The following ARHGAP12 variants were observed in gnomAD, a reference collection of about 807,000 sequenced individuals.
ARHGAP12 encodes the protein rho GTPase-activating protein 12.
A neutral mutation model predicts 108.6 loss-of-function variants in ARHGAP12; 64 were observed. The observed-to-expected ratio is 0.59, with a 90% CI of 0.48 to 0.73. The LOEUF (loss-of-function observed/expected upper bound fraction) is 0.73. ARHGAP12 is among the 30% of genes least tolerant of loss of function. The pLI is 0.00. For synonymous variants in ARHGAP12, 312 were observed against 337.2 expected, an observed-to-expected ratio of 0.93 and a Z score of 0.82; for missense variants, 940 against 1,005.9, an observed-to-expected ratio of 0.93 and a Z score of 0.89.
At chr10:31,855,502 ATAT>A (rs1196860316) in intron 4 of ARHGAP12, among the ~76,000 whole-genome samples, 12 of 152,322 alleles carry the variant, frequency 7.9e-5, no homozygotes, top group Admixed American at 5.2e-4. Context: ...TAAGAGCCTA[ATAT>A]TAATATGTTC....
At chr10:31,913,531 G>A in intron 1 of ARHGAP12, 1 of 170,702 alleles carries the variant, frequency 5.9e-6, no homozygotes, top group Non-Finnish European at 1.2e-5. Context: ...AACTGGGAGA[G>A]CTGCAGGTGA....
chr10:31,914,446 C>CA (rs141278286), intron 1 of ARHGAP12, among the ~76,000 whole-genome samples: 2,329 of 139,416 alleles, frequency 0.017, 50 homozygotes, highest in African/African-American at 0.055. Context: ...AACTCAATAG[C>CA]AAAAAAAAAA....
chr10:31,842,198 G>A (rs1836295118), intron 7 of ARHGAP12, among the ~76,000 whole-genome samples: 1 of 152,076 alleles, frequency 6.6e-6, no homozygotes, highest in Non-Finnish European at 1.5e-5. Context: ...GTTCTGGTAT[G>A]AAGAGGCGGT....
At chr10:31,843,853 A>G (rs1836355487) in intron 6 of ARHGAP12, among the ~76,000 whole-genome samples, 1 of 152,190 alleles carries the variant, frequency 6.6e-6, no homozygotes, top group African/African-American at 2.4e-5. Context: ...AGTTTTGTCA[A>G]CTGTAAAGTG....
chr10:31,816,049 G>A (rs1335626983), intron 13 of ARHGAP12, among the ~76,000 whole-genome samples: 1 of 152,080 alleles, frequency 6.6e-6, no homozygotes, highest in Non-Finnish European at 1.5e-5. Context: ...TACTTGGGAG[G>A]CTGAGACAGG....
In ARHGAP12 at chr10:31,807,491, G is replaced by C; in HGVS notation, c.*167C>G. 1 of 493,740 alleles carries C rather than the reference G, an allele frequency of 2.0e-6. No homozygotes were observed. The highest frequency in any genetic ancestry group is 3.5e-6 in the Non-Finnish European group (1 of 289,512). The allele number at this position is 493,740 out of a possible 1,614,324, so 30.6% of individuals were successfully genotyped here. A position where few individuals can be genotyped will look rare whatever the true frequency, so the allele number is the denominator to read the frequency against. Reference sequence around the variant, plus strand: ...CAACTTGCAACAAAGCAGCAAATATGAGGGCCTAACACACATCTCGACTCT... The same window carrying C: ...CAACTTGCAACAAAGCAGCAAATATCAGGGCCTAACACACATCTCGACTCT... On this transcript the variant is annotated 3_prime_UTR_variant, in exon 20 of 20. Transcript: ENST00000344936.
intron 11 of ARHGAP12, among the ~76,000 whole-genome samples, chr10:31,824,794 T>G (rs1054061911): frequency 1.3e-5 from 2 of 152,142 alleles, no homozygotes; most frequent in Non-Finnish European, 2.9e-5. Context: ...ATCAAATAAG[T>G]GACCACTATC....
At chr10:31,873,527 C>T (rs993531715) in intron 3 of ARHGAP12, among the ~76,000 whole-genome samples, 17 of 152,138 alleles carry the variant, frequency 1.1e-4, no homozygotes, top group African/African-American at 2.9e-4. Flanking sequence ...TACTATCGGC[C>T]GGCACCAATC....
intron 6 of ARHGAP12, 108 bp downstream of exon 6, chr10:31,852,409 A>T: frequency 1.0e-6 from 1 of 954,222 alleles, no homozygotes; most frequent in Non-Finnish European, 1.7e-6. Flanking sequence ...AAATTATTCT[A>T]CTTTGTAAAA....
At chr10:31,894,013 C>T (rs971980063) in intron 3 of ARHGAP12, among the ~76,000 whole-genome samples, 27 of 152,190 alleles carry the variant, frequency 1.8e-4, no homozygotes, top group Admixed American at 8.5e-4. Flanking sequence ...ATTATCTCAA[C>T]AGATGCAGAA....
chr10:31,926,423 C>T (rs1165739614), intron 1 of ARHGAP12, among the ~76,000 whole-genome samples: 2 of 151,964 alleles, frequency 1.3e-5, no homozygotes, highest in African/African-American at 4.8e-5. Flanking sequence ...TACAGTGATG[C>T]TATGTCGTAC....
chr10:31,809,617 G>T, intron 16 of ARHGAP12: 1 of 213,460 alleles, frequency 4.7e-6, no homozygotes, highest in African/African-American at 2.3e-5. Flanking sequence ...AAACATCTGG[G>T]GATAATTCAA....
chr10:31,831,314 A>G (rs1260462601), intron 10 of ARHGAP12, among the ~76,000 whole-genome samples: 1 of 152,254 alleles, frequency 6.6e-6, no homozygotes, highest in Non-Finnish European at 1.5e-5. Flanking sequence ...ATCTCTATAC[A>G]TACAAACATA....
At chr10:31,814,557 T>A (rs529438761) in intron 13 of ARHGAP12, among the ~76,000 whole-genome samples, 196 bp from the exon 14 acceptor site, 2 of 152,252 alleles carry the variant, frequency 1.3e-5, no homozygotes, top group African/African-American at 2.4e-5. Flanking sequence ...TTGATTTTTT[T>A]AAAAAAGAAA....
At chr10:31,889,729 C>T (rs971879098) in intron 3 of ARHGAP12, among the ~76,000 whole-genome samples, 4 of 142,624 alleles carry the variant, frequency 2.8e-5, no homozygotes, top group Admixed American at 7.5e-5. Context: ...TGGGTTCAAG[C>T]AATTCTCCCA....
chr10:31,891,624 G>GC (rs1348429502), intron 3 of ARHGAP12, among the ~76,000 whole-genome samples: 2 of 151,958 alleles, frequency 1.3e-5, no homozygotes, highest in Non-Finnish European at 2.9e-5. Context: ...TTGAATGTTG[G>GC]CCTGCCCTGC....
chr10:31,815,773 A>G (rs1388364440), intron 13 of ARHGAP12, among the ~76,000 whole-genome samples: 1 of 152,196 alleles, frequency 6.6e-6, no homozygotes, highest in African/African-American at 2.4e-5. Context: ...TTTTCCCTGC[A>G]AAGTTCTTGC....
At chr10:31,900,789 C>G (rs1838884633) in intron 3 of ARHGAP12, among the ~76,000 whole-genome samples, 1 of 151,958 alleles carries the variant, frequency 6.6e-6, no homozygotes, top group Non-Finnish European at 1.5e-5. Flanking sequence ...TTGTTAAAAC[C>G]CATTTAAGTT....
intron 12 of ARHGAP12, among the ~76,000 whole-genome samples, chr10:31,819,191 G>A (rs953916667): frequency 6.6e-6 from 1 of 152,030 alleles, no homozygotes; most frequent in Non-Finnish European, 1.5e-5. Flanking sequence ...GGTGATGCTT[G>A]TCATGAGTCT....
Sources: gnomAD v4.1 joint callset for allele counts (sites outside exome capture counted in the v4.1 genomes callset) on GRCh38, gnomAD v4.1.1 for gene constraint, MANE v1.5 for transcripts, NCBI Gene and HGNC (gene_info 2026-07-23, HGNC 2026-07-21) for gene names.